PALM: variants seen among roughly 807,000 people sequenced by gnomAD.
PALM encodes paralemmin-1.
Under a neutral mutation model 30.7 loss-of-function variants are expected in PALM, and 18 were observed. The ratio of observed to expected loss-of-function variants is 0.59; its 90% confidence interval spans 0.41 to 0.87. PALM has a LOEUF of 0.87. PALM is among the 40% of genes least tolerant of loss of function. The probability of loss-of-function intolerance (pLI) is 0.00; values close to 1 mark genes in which losing one functional copy is unlikely to be tolerated. For missense variants in PALM, 529 were observed against 555.4 expected (o/e 0.95, Z 0.48); for synonymous variants, 286 against 242.8 (o/e 1.18, Z -1.66).
chr19:740,109 G>A (rs772681742), intron 7 of PALM, among the ~76,000 whole-genome samples: 2 of 152,230 alleles, frequency 1.3e-5, no homozygotes, highest in African/African-American at 2.4e-5. Flanking sequence ...CGGACAGCAG[G>A]ATGGGCCTCA....
intron 8 of PALM, among the ~76,000 whole-genome samples, chr19:743,537 C>CT (rs1404165863): frequency 6.6e-6 from 1 of 152,252 alleles, no homozygotes; most frequent in Non-Finnish European, 1.5e-5. Context: ...GAAGCATGGA[C>CT]TCCCCTCCCT....
chr19:731,001 CAA>C, intron 4 of PALM, 92 bp from the exon 5 acceptor site: 3 of 812,602 alleles, frequency 3.7e-6, no homozygotes, highest in African/African-American at 1.8e-5. Flanking sequence ...GAATCTGTCT[CAA>C]AAAAAAGACA....
intron 6 of PALM, among the ~76,000 whole-genome samples, chr19:735,426 A>G (rs113903515): frequency 7.4e-3 from 353 of 47,676 alleles, no homozygotes; most frequent in African/African-American, 9.5e-3. Flanking sequence ...GGGTGTCTGG[A>G]TGGGATCCGT....
intron 1 of PALM, chr19:711,055 GT>G (rs1211965675): frequency 3.4e-6 from 1 of 291,620 alleles, no homozygotes; most frequent in Non-Finnish European, 5.1e-6. Context: ...GTTTGTGGTG[GT>G]GCCCGTCTCG....
chr19:719,335 G>A (rs2032376644), intron 1 of PALM: 1 of 985,360 alleles, frequency 1.0e-6, no homozygotes, highest in Admixed American at 6.1e-5. Context: ...TCGGGTTTGG[G>A]CCTCATGAAC....
intron 1 of PALM, chr19:719,252 G>C: frequency 1.0e-6 from 1 of 985,446 alleles, no homozygotes; most frequent in African/African-American, 1.7e-5. Context: ...GGGTGACCTT[G>C]GCCGTTGCGT....
Position 742,333 on chromosome 19 carries a change from G to A in PALM, c.634+1850G>A, listed in dbSNP as rs1053961432. 2.6e-5 allele frequency among the ~76,000 whole-genome samples: 4 copies of A among 152,046 alleles called. No homozygotes were observed. Among genetic ancestry groups the A allele is most frequent in the Admixed American group, 6.6e-5 (1 of 15,238 alleles). On this transcript the variant is annotated intron_variant, in intron 8 of 8. Coordinates refer to ENST00000338448, the MANE Select transcript of PALM (RefSeq NM_002579.3). The surrounding 1 kb of genome is among the most constrained non-coding windows in gnomAD (Gnocchi z 5.5). Reference sequence around the variant, plus strand: ...GAAATGAGATCACACGGCCGGGTGCGGTGGCTCACACCTGTAATCCCGGCA... The same window carrying A: ...GAAATGAGATCACACGGCCGGGTGCAGTGGCTCACACCTGTAATCCCGGCA...
Position 727,659 on chromosome 19 carries a change from G to A in PALM, c.234G>A (p.Glu78=). 6.4e-7 allele frequency: 1 copy of A among 1,568,786 alleles called. No homozygotes were observed. Among genetic ancestry groups the A allele is most frequent in the Non-Finnish European group, 8.6e-7 (1 of 1,156,646 alleles). ...TGAGGAGGCAGATGCAGGACGACGA[G>A]CAGAAGACACGGCTGCTGGAGGACT... The part of the protein sequence containing the change: ...EDLRRQMQDD[E]QKTRLLEDSV... The change falls in exon 4 of 9, where the codon GAG becomes GAA. Residue 78 remains glutamate (E), a synonymous_variant. Transcript: ENST00000338448.
intron 1 of PALM, among the ~76,000 whole-genome samples, chr19:724,214 C>T (rs890996604): frequency 2.6e-5 from 4 of 152,082 alleles, no homozygotes; most frequent in Admixed American, 6.6e-5. Flanking sequence ...GCGAGGGCTT[C>T]GGTTTCTGGA....
intron 4 of PALM, among the ~76,000 whole-genome samples, chr19:729,006 A>T (rs2032783228): frequency 2.0e-5 from 3 of 151,720 alleles, no homozygotes; most frequent in African/African-American, 7.3e-5. Context: ...TGGGTCTCAA[A>T]AAATAAATAA....
chr19:736,000 G>T lies in PALM; in HGVS notation c.443-19G>T. ...TCCTCTGACCCTCATCTCTCTCTCCGCTTCCACCTCCCGTGCAGACAAGCG... is the reference window on the plus strand; with the variant it reads ...TCCTCTGACCCTCATCTCTCTCTCCTCTTCCACCTCCCGTGCAGACAAGCG... On this transcript the variant is annotated intron_variant, in intron 6 of 8. Coordinates refer to ENST00000338448, the MANE Select transcript of PALM (RefSeq NM_002579.3). The T allele has an allele frequency of 6.2e-7, 1 of 1,602,562 alleles. No homozygotes were observed. The highest frequency in any genetic ancestry group is 8.5e-7 in the Non-Finnish European group (1 of 1,173,788).
At chr19:730,958 G>A (rs992747907) in intron 4 of PALM, 137 bp from the exon 5 acceptor site, 4 of 598,986 alleles carry the variant, frequency 6.7e-6, no homozygotes, top group African/African-American at 3.8e-5. Flanking sequence ...CCAAGATCAC[G>A]CCATTGCACT....
At chr19:740,592 G>C in intron 8 of PALM, 109 bp downstream of exon 8, 1 of 1,062,128 alleles carries the variant, frequency 9.4e-7, no homozygotes, top group South Asian at 1.6e-5. Context: ...ACCCCGATTC[G>C]ATGTGAAGCA....
At chr19:728,570 A>G (rs566368423) in intron 4 of PALM, among the ~76,000 whole-genome samples, 70 of 152,160 alleles carry the variant, frequency 4.6e-4, no homozygotes, top group African/African-American at 1.6e-3. Context: ...CACTTTGGGA[A>G]GCCGAGGCAG....
In PALM at chr19:746,144, G is replaced by A. The variant is rs1419074047; in HGVS notation, c.635-141G>A. The A allele has an allele frequency of 3.1e-6, 2 of 640,552 alleles. No homozygotes were observed. Among genetic ancestry groups the A allele is most frequent in the Non-Finnish European group, 5.5e-6 (2 of 365,346 alleles). The allele number at this position is 640,552 out of a possible 1,614,324, so 39.7% of individuals were successfully genotyped here. A position where few individuals can be genotyped will look rare whatever the true frequency, so the allele number is the denominator to read the frequency against. ...CTTTAATTGTCTGTCAGTTCTGACG[G>A]TGTAATCTAGTTCGTGATTTCCTCT... On this transcript the variant is annotated intron_variant, in intron 8 of 8. Transcript: ENST00000338448. The surrounding 1 kb of genome is among the most constrained non-coding windows in gnomAD (Gnocchi z 7.1).
At chr19:729,383 A>G (rs1372578367) in intron 4 of PALM, among the ~76,000 whole-genome samples, 2 of 148,700 alleles carry the variant, frequency 1.3e-5, no homozygotes, top group African/African-American at 4.9e-5. Flanking sequence ...CCTTGGAATG[A>G]GCCGAGTGTT....
At chr19:717,725 A>G (rs2238554) in intron 1 of PALM, among the ~76,000 whole-genome samples, 31,180 of 147,650 alleles carry the variant, frequency 0.21, 3,816 homozygotes, top group South Asian at 0.37. Context: ...TGGCCCTGGG[A>G]GTGGCGGGAG....
chr19:718,726 G>A (rs574530257), intron 1 of PALM, among the ~76,000 whole-genome samples: 5 of 151,880 alleles, frequency 3.3e-5, no homozygotes, highest in African/African-American at 1.2e-4. Context: ...AGGGCTGGGA[G>A]GAGGTTCCTT....
In PALM at chr19:727,149, G is replaced by A. The variant is rs111759654; in HGVS notation, c.138+61G>A. 2,109 of 1,148,652 alleles carry A rather than the reference G, an allele frequency of 1.8e-3. 5 individuals are homozygous for A. Among genetic ancestry groups the A allele is most frequent in the Admixed American group, 4.3e-3 (215 of 50,038 alleles). The allele number at this position is 1,148,652 out of a possible 1,614,324, so 71.2% of individuals were successfully genotyped here. On this transcript the variant is annotated intron_variant, in intron 3 of 8. Coordinates refer to ENST00000338448, the MANE Select transcript of PALM (RefSeq NM_002579.3). ...CAGGCGGCTGTGAGGCGGAGGCCCCGGACTCCTGCCCAACCCTGACCCTGA... is the reference window on the plus strand; with the variant it reads ...CAGGCGGCTGTGAGGCGGAGGCCCCAGACTCCTGCCCAACCCTGACCCTGA...
Sources: allele counts gnomAD v4.1 joint callset (sites outside exome capture counted in the v4.1 genomes callset), GRCh38; gene constraint gnomAD v4.1.1; non-coding constraint Gnocchi (gnomAD v3.1); transcripts MANE v1.5; gene names NCBI Gene and HGNC (gene_info 2026-07-23, HGNC 2026-07-21).